Variants in DLC1 observed in about 807,000 individuals in gnomAD.
The protein encoded by DLC1 is DLC1 Rho GTPase activating protein.
DLC1 carries 54 observed loss-of-function variants against 140.3 expected under a neutral mutation model. That is an observed-to-expected ratio of 0.38 (90% CI 0.31 to 0.48). The LOEUF is 0.48. Ranked by LOEUF, DLC1 falls within the 20% of genes least tolerant of loss-of-function variation. The pLI, the probability that DLC1 is intolerant of heterozygous loss-of-function variation, is 0.96. For synonymous variants in DLC1, 986 were observed against 728.1 expected (o/e 1.35, Z -5.70); for missense variants, 2,536 against 1,907.0 (o/e 1.33, Z -6.14).
chr8:13,153,057 T>G (rs1416320630), intron 5 of DLC1, among the ~76,000 whole-genome samples: 1 of 152,222 alleles, frequency 6.6e-6, no homozygotes, highest in East Asian at 1.9e-4. Context: ...TTAAAATTTT[T>G]AACATTCATA....
At chr8:13,447,304 T>A (rs1393151182) in intron 2 of DLC1, among the ~76,000 whole-genome samples, 1 of 152,260 alleles carries the variant, frequency 6.6e-6, no homozygotes, top group African/African-American at 2.4e-5. Context: ...TCACTGTTAA[T>A]ATTACATAAT....
rs1839011322 is a variant in DLC1, at chr8:13,434,207, C to A, written c.1024-32588G>T. Among the ~76,000 whole-genome samples the A allele has an allele frequency of 2.6e-5, 4 of 152,148 alleles. No homozygotes were observed. In the South Asian group the frequency reaches 8.3e-4, roughly 32 times the overall value. ...CATGGTTTGTTGGCAATAGAACAAA[C>A]TCCTATTTAATGCCATACTTTTACA... On this transcript the variant is annotated intron_variant, in intron 2 of 17. Coordinates refer to ENST00000276297, the MANE Select transcript of DLC1 (RefSeq NM_182643.3).
chr8:13,167,994 A>G (rs1825217788), intron 5 of DLC1, among the ~76,000 whole-genome samples: 1 of 152,154 alleles, frequency 6.6e-6, no homozygotes, highest in Admixed American at 6.5e-5. Flanking sequence ...ATAAATCTGC[A>G]TGTTTTTTTC....
chr8:13,436,543 A>G (rs1159739007), intron 2 of DLC1, among the ~76,000 whole-genome samples: 2 of 152,216 alleles, frequency 1.3e-5, no homozygotes, highest in African/African-American at 4.8e-5. Context: ...CATTGTCCGG[A>G]CAATTGGGCT....
chr8:13,582,441 A>G (rs1805138620), intron 1 of DLC1, among the ~76,000 whole-genome samples: 1 of 152,150 alleles, frequency 6.6e-6, no homozygotes, highest in Admixed American at 6.5e-5. Flanking sequence ...CCCAAACTTA[A>G]TCTGAATGGG....
chr8:13,224,510 T>C (rs752122050), intron 5 of DLC1, among the ~76,000 whole-genome samples: 5 of 152,162 alleles, frequency 3.3e-5, no homozygotes, highest in Non-Finnish European at 7.3e-5. Flanking sequence ...AAGGCAGGCT[T>C]AGACAAAGGC....
At chr8:13,394,577 A>T (rs769939210) in intron 3 of DLC1, among the ~76,000 whole-genome samples, 3 of 152,112 alleles carry the variant, frequency 2.0e-5, no homozygotes, top group South Asian at 2.1e-4. Flanking sequence ...TGCAGAGGGG[A>T]TGGAGCAAAG....
At chr8:13,165,780 A>G (rs1218472121) in intron 5 of DLC1, among the ~76,000 whole-genome samples, 1 of 151,980 alleles carries the variant, frequency 6.6e-6, no homozygotes, top group Non-Finnish European at 1.5e-5. Context: ...TTCTCTTTCC[A>G]CTCAGTCTTG....
At chr8:13,468,811 CTTTTTT>C (rs78775803) in intron 2 of DLC1, among the ~76,000 whole-genome samples, 4 of 89,964 alleles carry the variant, frequency 4.4e-5, no homozygotes, top group South Asian at 4.4e-4. Context: ...TTTATGTCTG[CTTTTTT>C]TTTTTTTTTT....
chr8:13,099,285 C>T (rs1818775733), intron 9 of DLC1, 62 bp downstream of exon 9: 1 of 1,547,492 alleles, frequency 6.5e-7, no homozygotes, highest in South Asian at 1.3e-5. Context: ...ACAGAACAAG[C>T]ACAGGCAATG....
chr8:13,537,307 C>G (rs10096576), intron 1 of DLC1, among the ~76,000 whole-genome samples: 2,986 of 152,236 alleles, frequency 0.02, 104 homozygotes, highest in African/African-American at 0.069. Flanking sequence ...CCACAATAAA[C>G]TGTGATCACG....
intron 4 of DLC1, among the ~76,000 whole-genome samples, chr8:13,369,266 G>C (rs1180575938): frequency 1.3e-5 from 2 of 149,340 alleles, no homozygotes; most frequent in Admixed American, 1.4e-4. Context: ...TGTTGAATTT[G>C]GTTGAACTTC....
At chr8:13,578,012 A>G (rs1303857598) in intron 1 of DLC1, among the ~76,000 whole-genome samples, 3 of 151,618 alleles carry the variant, frequency 2.0e-5, no homozygotes, top group African/African-American at 7.3e-5. Context: ...ATAGAAATAA[A>G]AAAAAAAAAG....
chr8:13,307,934 A>G (rs1295798995), intron 4 of DLC1, among the ~76,000 whole-genome samples: 3 of 152,224 alleles, frequency 2.0e-5, no homozygotes, highest in South Asian at 4.1e-4. Context: ...GTCTTATGAT[A>G]AGACATTTAC....
At chr8:13,541,947 C>A (rs1034785694) in intron 1 of DLC1, among the ~76,000 whole-genome samples, 5 of 152,214 alleles carry the variant, frequency 3.3e-5, no homozygotes, top group Non-Finnish European at 7.3e-5. Context: ...TGAGTTCTTA[C>A]AACTCACTGG....
At chr8:13,344,747 A>G (rs1834247064) in intron 4 of DLC1, among the ~76,000 whole-genome samples, 1 of 152,228 alleles carries the variant, frequency 6.6e-6, no homozygotes, top group Non-Finnish European at 1.5e-5. Flanking sequence ...TTAGGAAAGC[A>G]CGTGTGTGTA....
At position 13,393,653 on chromosome 8, in the gene DLC1, G is replaced by T; in HGVS notation, c.1214C>A (p.Ser405Ter). 6.2e-7 allele frequency: 1 copy of T among 1,614,124 alleles called. No individual in the cohort carries two copies. Among genetic ancestry groups the T allele is most frequent in the Non-Finnish European group, 8.5e-7 (1 of 1,180,026 alleles). ...CAAATTTACTCGTGTCTGATTTACT[G>T]AAATGGTATCTGCTCCACTTTCAGA... ...SGSESGADTISVNQTRVNLSS... is the reference protein window; with the variant it reads ...SGSESGADTI Residue 405 changes from serine (S) to a stop codon, truncating the protein, a stop_gained, in exon 4 of 18, where the codon TCA becomes TAA. Transcript: ENST00000276297. LOFTEE classifies it high-confidence loss of function.
intron 1 of DLC1, among the ~76,000 whole-genome samples, chr8:13,540,172 T>C (rs955049834): frequency 6.6e-6 from 1 of 152,168 alleles, no homozygotes; most frequent in East Asian, 1.9e-4. Context: ...GTATGGGATA[T>C]TGAAAAACAC....
chr8:13,468,841 A>ATTTTTGT (rs1585160821), intron 2 of DLC1, among the ~76,000 whole-genome samples: 1 of 64,192 alleles, frequency 1.6e-5, no homozygotes. Context: ...TTTTTTTTTA[A>ATTTTTGT]GATGGAGTCT....
Sources: allele counts gnomAD v4.1 joint callset (sites outside exome capture counted in the v4.1 genomes callset), GRCh38; gene constraint gnomAD v4.1.1; transcripts MANE v1.5; gene names NCBI Gene and HGNC (gene_info 2026-07-23, HGNC 2026-07-21).